The following SERPINF1 variants were observed in gnomAD, a reference collection of about 807,000 sequenced individuals.
SERPINF1 encodes serpin family F member 1, also known as pigment epithelium-derived factor.
In SERPINF1, 29 loss-of-function variants were observed where a neutral mutation model predicts 37.3. That is an observed-to-expected ratio of 0.78 (90% CI 0.58 to 1.06). The LOEUF (loss-of-function observed/expected upper bound fraction) is 1.06. Ranked by LOEUF, SERPINF1 falls within the 50% of genes least tolerant of loss-of-function variation. The pLI is 0.00. For missense variants in SERPINF1, 553 were observed against 532.2 expected, an observed-to-expected ratio of 1.04 and a Z score of -0.38; for synonymous variants, 281 against 227.9, an observed-to-expected ratio of 1.23 and a Z score of -2.10.
At chr17:1,776,813 G>A (rs1908063375) in intron 7 of SERPINF1, 71 bp downstream of exon 7, 4 of 1,437,952 alleles carry the variant, frequency 2.8e-6, no homozygotes, top group Non-Finnish European at 2.9e-6. Context: ...CTTCCACTGT[G>A]CTAAGCAGAA....
At chr17:1,776,408 G>C in intron 6 of SERPINF1, 124 bp from the exon 7 acceptor site, 1 of 842,890 alleles carries the variant, frequency 1.2e-6, no homozygotes, top group Non-Finnish European at 2.0e-6. Flanking sequence ...TTAAATAGAT[G>C]AGGGGCTGGA....
intron 3 of SERPINF1, chr17:1,770,454 T>G: frequency 1.2e-5 from 1 of 83,438 alleles, no homozygotes; most frequent in Non-Finnish European, 2.2e-5. Flanking sequence ...AGAATAGTCT[T>G]TTTTTTTTTT....
At chr17:1,767,041 C>T (rs1373821662) in intron 2 of SERPINF1, 47 bp downstream of exon 2, 2 of 1,497,082 alleles carry the variant, frequency 1.3e-6, no homozygotes, top group South Asian at 1.2e-5. Context: ...CCCGCCCCTC[C>T]TTGGCAGGCA....
At chr17:1,766,772 C>A in intron 1 of SERPINF1, 131 bp from the exon 2 acceptor site, 1 of 778,736 alleles carries the variant, frequency 1.3e-6, no homozygotes, top group South Asian at 1.6e-5. Flanking sequence ...GAGGGGTGGT[C>A]GCTGCAGGGG....
intron 7 of SERPINF1, 55 bp from the exon 8 acceptor site, chr17:1,777,128 CTTGG>C: frequency 6.2e-7 from 1 of 1,613,262 alleles, no homozygotes; most frequent in South Asian, 1.1e-5. Flanking sequence ...AAAGGGATCC[CTTGG>C]TTGGGGTGTT....
Position 1,776,596 on chromosome 17 carries a change from A to C in SERPINF1, c.851A>C (p.Gln284Pro), listed in dbSNP as rs1453556091. The C allele has an allele frequency of 6.2e-7, 1 of 1,614,064 alleles. No individual in the cohort carries two copies. The highest frequency in any genetic ancestry group is 2.2e-5 in the East Asian group (1 of 44,850). The change falls in exon 7 of 8, where the codon CAG becomes CCG. Residue 284 changes from glutamine to proline, a missense_variant. By Grantham distance (76) the Gln-to-Pro change is moderately conservative. Transcript: ENST00000254722. ...TTCTTCCTGCCCCTGAAAGTGACCC[A>C]GAATTTGACCTTGATAGAGGAGAGC... ...IIFFLPLKVT[Q>P]NLTLIEESLT...
chr17:1,772,383 T>C (rs1020198388), intron 5 of SERPINF1, among the ~76,000 whole-genome samples: 3 of 152,072 alleles, frequency 2.0e-5, no homozygotes, highest in African/African-American at 7.2e-5. Context: ...CCCAAAGTGC[T>C]AGGATTACAA....
At chr17:1,771,240 C>T in intron 4 of SERPINF1, 56 bp downstream of exon 4, 1 of 1,436,482 alleles carries the variant, frequency 7.0e-7, no homozygotes, top group Non-Finnish European at 9.3e-7. Flanking sequence ...ATGCTGCAGG[C>T]TGGGGGGGTC....
intron 2 of SERPINF1, among the ~76,000 whole-genome samples, chr17:1,768,478 ACTTT>A (rs1187580323): frequency 6.6e-6 from 1 of 150,682 alleles, no homozygotes; most frequent in African/African-American, 2.4e-5. Context: ...CTTTTTTTTA[ACTTT>A]CTTTTTTTAG....
At chr17:1,765,322 T>A (rs1017072960) in intron 1 of SERPINF1, among the ~76,000 whole-genome samples, 2 of 151,536 alleles carry the variant, frequency 1.3e-5, no homozygotes, top group Admixed American at 6.6e-5. Context: ...TATTTTATTT[T>A]ATTTTATTTA....
At chr17:1,775,230 T>G (rs1597355584) in intron 6 of SERPINF1, 30 bp downstream of exon 6, 5 of 1,596,546 alleles carry the variant, frequency 3.1e-6, no homozygotes, top group Admixed American at 1.7e-5. Context: ...GGGTGGGGGG[T>G]GGATGGAGGG....
intron 4 of SERPINF1, among the ~76,000 whole-genome samples, chr17:1,771,394 G>A (rs184277897): frequency 7.0e-4 from 106 of 151,866 alleles, no homozygotes; most frequent in African/African-American, 2.3e-3. Context: ...GACTGCAGGT[G>A]CCCAGCTAAT....
chr17:1,769,186 G>A (rs907914453), intron 2 of SERPINF1, among the ~76,000 whole-genome samples: 1 of 150,040 alleles, frequency 6.7e-6, no homozygotes, highest in Middle Eastern at 3.5e-3. Flanking sequence ...GAGGCGGGTG[G>A]ATCACAAGGT....
At chr17:1,767,055 C>A in intron 2 of SERPINF1, 61 bp downstream of exon 2, 2 of 1,447,818 alleles carry the variant, frequency 1.4e-6, no homozygotes, top group Admixed American at 2.0e-5. Flanking sequence ...GCAGGCAGCA[C>A]GGGAAACAGG....
In SERPINF1 at chr17:1,776,447, G is replaced by C. The variant is rs941376414; in HGVS notation, c.787-85G>C. 3 of 1,239,776 alleles carry C rather than the reference G, an allele frequency of 2.4e-6. No individual in the cohort carries two copies. The African/African-American group carries it at 4.4e-5, about 18-fold the overall frequency. The allele number at this position is 1,239,776 out of a possible 1,614,324, so 76.8% of individuals were successfully genotyped here. A position where few individuals can be genotyped will look rare whatever the true frequency, so the allele number is the denominator to read the frequency against. On this transcript the variant is annotated intron_variant, in intron 6 of 7. Coordinates refer to ENST00000254722, the MANE Select transcript of SERPINF1 (RefSeq NM_002615.7). ...AGGACGAGACCAGGGCCCCGTCACG[G>C]GAGAGGGAAGGCAGCTCCTGGCTGT...
chr17:1,771,758 TG>T, intron 4 of SERPINF1, 113 bp from the exon 5 acceptor site: 1 of 975,994 alleles, frequency 1.0e-6, no homozygotes, highest in Non-Finnish European at 1.6e-6. Flanking sequence ...AGATGCTGGC[TG>T]GGAAGTCAGG....
intron 5 of SERPINF1, among the ~76,000 whole-genome samples, chr17:1,773,740 A>G (rs567469082): frequency 6.6e-6 from 1 of 152,312 alleles, no homozygotes; most frequent in South Asian, 2.1e-4. Context: ...CAGGTGGCCA[A>G]CGACATCCTT....
chr17:1,776,572 T>G lies in SERPINF1; in HGVS notation c.827T>G (p.Phe276Cys). The change falls in exon 7 of 8, where the codon TTC becomes TGC. Residue 276 changes from phenylalanine to cysteine, a missense_variant. By Grantham distance (205) the Phe-to-Cys change is radical. Coordinates refer to ENST00000254722, the MANE Select transcript of SERPINF1 (RefSeq NM_002615.7). ...TTGACCGGAAGCATGAGTATCATCTTCTTCCTGCCCCTGAAAGTGACCCAG... is the reference window on the plus strand; with the variant it reads ...TTGACCGGAAGCATGAGTATCATCTGCTTCCTGCCCCTGAAAGTGACCCAG... ...LPLTGSMSIIFFLPLKVTQNL... is the reference protein window; with the variant it reads ...LPLTGSMSIICFLPLKVTQNL... The G allele has an allele frequency of 6.2e-7, 1 of 1,614,084 alleles. No homozygotes were observed. The highest frequency in any genetic ancestry group is 8.5e-7 in the Non-Finnish European group (1 of 1,180,030).
intron 5 of SERPINF1, 59 bp from the exon 6 acceptor site, chr17:1,774,999 T>C: frequency 1.9e-6 from 3 of 1,610,232 alleles, no homozygotes; most frequent in East Asian, 2.2e-5. Flanking sequence ...GGACACAGCA[T>C]GGCGCCACTG....
Sources: allele counts gnomAD v4.1 joint callset (sites outside exome capture counted in the v4.1 genomes callset), GRCh38; gene constraint gnomAD v4.1.1; transcripts MANE v1.5; gene names NCBI Gene and HGNC (gene_info 2026-07-23, HGNC 2026-07-21).